The following ZDHHC14 variants were observed in gnomAD, a reference collection of about 807,000 sequenced individuals.
The protein encoded by ZDHHC14 is palmitoyltransferase ZDHHC14.
A neutral mutation model predicts 47.7 loss-of-function variants in ZDHHC14; 16 were observed. That is an observed-to-expected ratio of 0.34 (90% CI 0.23 to 0.51). ZDHHC14 has a LOEUF of 0.51. Ranked by LOEUF, ZDHHC14 falls within the 20% of genes least tolerant of loss-of-function variation. The pLI is 0.97. For synonymous variants in ZDHHC14, 293 were observed against 278.9 expected (o/e 1.05, Z -0.50); for missense variants, 515 against 662.5 (o/e 0.78, Z 2.44).
At chr6:157,624,915 T>C (rs1441696744) in intron 3 of ZDHHC14, among the ~76,000 whole-genome samples, 3 of 152,186 alleles carry the variant, frequency 2.0e-5, no homozygotes, top group African/African-American at 7.2e-5. Context: ...TTCTGGAGGC[T>C]GGGAAGTCCA....
At chr6:157,508,257 C>T (rs1780379253) in intron 1 of ZDHHC14, among the ~76,000 whole-genome samples, 1 of 152,176 alleles carries the variant, frequency 6.6e-6, no homozygotes, top group African/African-American at 2.4e-5. Context: ...GTGGGTTTTT[C>T]ATTTCTAGGA....
intron 1 of ZDHHC14, among the ~76,000 whole-genome samples, chr6:157,467,961 A>C (rs555913602): frequency 2.2e-4 from 33 of 152,336 alleles, no homozygotes; most frequent in Admixed American, 2.1e-3. Flanking sequence ...TTCCTGGAAG[A>C]CTTTAAATCC....
intron 2 of ZDHHC14, among the ~76,000 whole-genome samples, chr6:157,568,561 T>C (rs1398525816): frequency 6.6e-6 from 1 of 152,078 alleles, no homozygotes. Flanking sequence ...CTTGTTGACA[T>C]TGAAGTTGAT....
chr6:157,654,390 C>T (rs541924008), intron 8 of ZDHHC14, among the ~76,000 whole-genome samples: 1 of 152,268 alleles, frequency 6.6e-6, no homozygotes, highest in Non-Finnish European at 1.5e-5. Flanking sequence ...ACAAATCTCC[C>T]TAAAGTTAGA....
Position 157,673,936 on chromosome 6 carries a change from T to C in ZDHHC14, c.*814T>C, listed in dbSNP as rs1303985488. On this transcript the variant is annotated 3_prime_UTR_variant, in exon 9 of 9. Transcript: ENST00000359775. This position sits in a 1 kb window ranked among gnomAD's most constrained non-coding sequence, Gnocchi z 5.4. ...ACAGCCAATAAAATGACGTCCTCTG[T>C]TATTTTGGATCTGCGTACGGTTATC... is the stretch of plus-strand genomic sequence containing the variant. The C allele has an allele frequency of 6.6e-6, 1 of 152,624 alleles. No homozygotes were observed. Among genetic ancestry groups the C allele is most frequent in the Non-Finnish European group, 1.5e-5 (1 of 68,040 alleles). The allele number at this position is 152,624 out of a possible 1,614,324, so 9.5% of individuals were successfully genotyped here.
chr6:157,416,390 C>T (rs1777971849), intron 1 of ZDHHC14, among the ~76,000 whole-genome samples: 2 of 151,934 alleles, frequency 1.3e-5, no homozygotes, highest in South Asian at 2.1e-4. Flanking sequence ...AGGCTGGATG[C>T]AGTGTCTCAC....
intron 1 of ZDHHC14, among the ~76,000 whole-genome samples, chr6:157,383,031 C>A (rs144061123): frequency 3.9e-5 from 6 of 152,330 alleles, no homozygotes; most frequent in African/African-American, 1.2e-4. Context: ...GTCTGGACTT[C>A]AGGGATTATA....
chr6:157,653,317 G>A (rs1321922272), intron 7 of ZDHHC14, among the ~76,000 whole-genome samples: 1 of 152,138 alleles, frequency 6.6e-6, no homozygotes. Flanking sequence ...TGGCGAGGAG[G>A]CAGGCCATGC....
At chr6:157,651,783 G>A (rs941290586) in intron 7 of ZDHHC14, among the ~76,000 whole-genome samples, 14 of 152,168 alleles carry the variant, frequency 9.2e-5, no homozygotes, top group African/African-American at 3.4e-4. Context: ...TGTTGACCAG[G>A]CTTGTCTCGA....
At chr6:157,398,234 G>A (rs1180469951) in intron 1 of ZDHHC14, among the ~76,000 whole-genome samples, 1 of 152,208 alleles carries the variant, frequency 6.6e-6, no homozygotes, top group East Asian at 1.9e-4. Flanking sequence ...GGTACTGCTA[G>A]AAGCTTTTGC....
chr6:157,433,571 T>C (rs1412570009), intron 1 of ZDHHC14, among the ~76,000 whole-genome samples: 1 of 152,232 alleles, frequency 6.6e-6, no homozygotes, highest in Non-Finnish European at 1.5e-5. Flanking sequence ...GGGACTGTTT[T>C]GTCCTGGTTA....
At chr6:157,423,823 G>A (rs1778158054) in intron 1 of ZDHHC14, among the ~76,000 whole-genome samples, 1 of 152,202 alleles carries the variant, frequency 6.6e-6, no homozygotes, top group Non-Finnish European at 1.5e-5. Flanking sequence ...ATGGCATCGT[G>A]TAGGAGCTCA....
intron 1 of ZDHHC14, among the ~76,000 whole-genome samples, chr6:157,454,843 G>A (rs1224947587): frequency 6.6e-6 from 1 of 152,172 alleles, no homozygotes; most frequent in Non-Finnish European, 1.5e-5. Flanking sequence ...TGTTAATGCT[G>A]TATTTGATGC....
intron 8 of ZDHHC14, among the ~76,000 whole-genome samples, chr6:157,665,269 G>A (rs1237805498): frequency 6.6e-6 from 1 of 152,140 alleles, no homozygotes; most frequent in Non-Finnish European, 1.5e-5. Context: ...ATAATTAGAG[G>A]ACATGTTACA....
rs1781811299 is a variant in ZDHHC14, at chr6:157,542,631, G to T, written c.292G>T (p.Ala98Ser). The change falls in exon 2 of 9, where the codon GCT becomes TCT. Residue 98 changes from alanine to serine, a missense_variant. Transcript: ENST00000359775. ...AATCACCCCTGCCATCCCTGCAGTC[G>T]CTGGCATCCTGTTCTTCTTTGTGAT... ...VKITPAIPAV[A>S]GILFFFVMGT... is the part of the protein sequence containing the mutation. 6.2e-7 allele frequency: 1 copy of T among 1,614,148 alleles called. No individual in the cohort carries two copies. The highest frequency in any genetic ancestry group is 8.5e-7 in the Non-Finnish European group (1 of 1,180,028).
At position 157,484,694 on chromosome 6, in the gene ZDHHC14, G is replaced by A. The variant is rs1251443582; in HGVS notation, c.246-57891G>A. On this transcript the variant is annotated intron_variant, in intron 1 of 8. Transcript: ENST00000359775. The stretch of plus-strand genomic sequence containing the variant: ...ACTGCAATTACCATGGGCGATTTTT[G>A]TGATTTACAGTAAGGTAATAAATGG... Among the ~76,000 whole-genome samples, 3 of 151,566 alleles carry A rather than the reference G, an allele frequency of 2.0e-5. No individual in the cohort carries two copies. In the East Asian group the frequency reaches 5.8e-4, roughly 29 times the overall value.
At chr6:157,651,883 C>T (rs1562530054) in intron 7 of ZDHHC14, among the ~76,000 whole-genome samples, 1 of 149,762 alleles carries the variant, frequency 6.7e-6, no homozygotes, top group East Asian at 2.0e-4. Flanking sequence ...CTCAAGACAT[C>T]ATGACACTGG....
At chr6:157,476,239 A>C (rs1211174947) in intron 1 of ZDHHC14, among the ~76,000 whole-genome samples, 1 of 152,150 alleles carries the variant, frequency 6.6e-6, no homozygotes, top group Non-Finnish European at 1.5e-5. Context: ...GAAAGAGGAG[A>C]CTTACATCTG....
intron 2 of ZDHHC14, 30 bp downstream of exon 2, chr6:157,542,775 G>A: frequency 6.2e-7 from 1 of 1,608,562 alleles, no homozygotes; most frequent in African/African-American, 1.3e-5. Context: ...CATGGCCTCT[G>A]GTCACTTCCC....
Sources: allele counts gnomAD v4.1 joint callset (sites outside exome capture counted in the v4.1 genomes callset), GRCh38; gene constraint gnomAD v4.1.1; non-coding constraint Gnocchi (gnomAD v3.1); transcripts MANE v1.5; gene names NCBI Gene and HGNC (gene_info 2026-07-23, HGNC 2026-07-21).